Variants in CPS1 observed in about 807,000 individuals in gnomAD.
CPS1 encodes carbamoyl-phosphate synthase [ammonia], mitochondrial.
Under a neutral mutation model 174.6 loss-of-function variants are expected in CPS1, and 109 were observed. The ratio of observed to expected loss-of-function variants is 0.62; its 90% CI spans 0.53 to 0.73. CPS1 has a LOEUF of 0.73. Ranked by LOEUF, CPS1 falls within the 30% of genes least tolerant of loss-of-function variation. The probability of loss-of-function intolerance (pLI) is 0.00; values close to 1 mark genes in which losing one functional copy is unlikely to be tolerated. For synonymous variants in CPS1, 637 were observed against 632.0 expected, an observed-to-expected ratio of 1.01 and a Z score of -0.12; for missense variants, 1,689 against 1,821.9, an observed-to-expected ratio of 0.93 and a Z score of 1.33.
In CPS1 at chr2:210,590,237, G is replaced by A. The variant is rs1233041350; in HGVS notation, c.840+3G>A. On this transcript the variant is annotated splice_donor_region_variant and intron_variant, in intron 8 of 37. Coordinates refer to ENST00000233072, the MANE Select transcript of CPS1 (RefSeq NM_001875.5). ...CACTAATTCAGAATGTCAGAAAGGT[G>A]CAATGAACCTTGAATTCATGTGTAT... 6.2e-7 allele frequency: 1 copy of A among 1,612,552 alleles called. No individual in the cohort carries two copies.
At chr2:210,549,948 A>G (rs1291127515) in intron 1 of CPS1, among the ~76,000 whole-genome samples, 1 of 152,030 alleles carries the variant, frequency 6.6e-6, no homozygotes, top group East Asian at 1.9e-4. Flanking sequence ...CCCAGATTCC[A>G]TGGTTCTGGA....
At chr2:210,477,878 A>G in intron 1 of CPS1, 1 of 1,208,806 alleles carries the variant, frequency 8.3e-7, no homozygotes, top group Non-Finnish European at 1.2e-6. Flanking sequence ...TTTTTCTTTA[A>G]TGATTAAAGG....
chr2:210,560,138 A>C lies in CPS1; in HGVS notation c.126+3279A>C, dbSNP rs118170559. Among the ~76,000 whole-genome samples the C allele has an allele frequency of 8.1e-4, 123 of 152,238 alleles. 5 individuals are homozygous for C. In the East Asian group the frequency reaches 0.02, roughly 25 times the overall value. Reference sequence around the variant, plus strand: ...TTCTTATAATAAATCAGACTCAAGGAAAATGAAGCAAATAATCTTTTTTTT... The same window carrying C: ...TTCTTATAATAAATCAGACTCAAGGCAAATGAAGCAAATAATCTTTTTTTT... On this transcript the variant is annotated intron_variant, in intron 1 of 37. Coordinates refer to ENST00000233072, the MANE Select transcript of CPS1 (RefSeq NM_001875.5).
At chr2:210,480,350 T>C (rs762376279) in intron 1 of CPS1, among the ~76,000 whole-genome samples, 1 of 152,240 alleles carries the variant, frequency 6.6e-6, no homozygotes, top group Non-Finnish European at 1.5e-5. Flanking sequence ...AGTTCTCTGC[T>C]GAACAGCTAT....
rs2105911004 is a variant in CPS1, at chr2:210,650,408, A to G, written c.3450A>G (p.Lys1150=). Residue 1150 remains lysine (K), a synonymous_variant, in exon 28 of 38, where the codon AAA becomes AAG. Coordinates refer to ENST00000233072, the MANE Select transcript of CPS1 (RefSeq NM_001875.5). Reference sequence around the variant, plus strand: ...TATTCTCTGAGGATGAGATGAAAAAATTCCTAGAAGAGGCGACTAGAGTTT... The same window carrying G: ...TATTCTCTGAGGATGAGATGAAAAAGTTCCTAGAAGAGGCGACTAGAGTTT... ...NVVFSEDEMK[K]FLEEATRVSQ... 2.5e-6 allele frequency: 4 copies of G among 1,613,568 alleles called. No individual in the cohort carries two copies. Among genetic ancestry groups the G allele is most frequent in the Non-Finnish European group, 1.7e-6 (2 of 1,179,578 alleles).
intron 1 of CPS1, among the ~76,000 whole-genome samples, chr2:210,542,320 C>T (rs564797059): frequency 6.6e-6 from 1 of 152,192 alleles, no homozygotes; most frequent in Admixed American, 6.5e-5. Context: ...AGACTACTGG[C>T]TTTCCTGCTG....
chr2:210,482,459 C>G (rs765387066), intron 1 of CPS1, among the ~76,000 whole-genome samples: 1 of 151,968 alleles, frequency 6.6e-6, no homozygotes, highest in African/African-American at 2.4e-5. Flanking sequence ...CGTGCCACCA[C>G]GCCTGGCTAA....
intron 1 of CPS1, among the ~76,000 whole-genome samples, chr2:210,508,549 A>G (rs1695354484): frequency 6.6e-6 from 1 of 152,214 alleles, no homozygotes; most frequent in Non-Finnish European, 1.5e-5. Context: ...TGAAGGAAAT[A>G]GAGACACAAA....
chr2:210,572,101 G>T (rs1482246621), intron 1 of CPS1, among the ~76,000 whole-genome samples: 1 of 151,842 alleles, frequency 6.6e-6, no homozygotes, highest in Non-Finnish European at 1.5e-5. Flanking sequence ...CTCATGGCCA[G>T]ACTTCTTTTC....
chr2:210,487,664 A>G (rs927188116), intron 1 of CPS1, among the ~76,000 whole-genome samples: 12 of 152,076 alleles, frequency 7.9e-5, no homozygotes, highest in Non-Finnish European at 1.3e-4. Context: ...AGATTATTTT[A>G]GGAGTTGTTT....
chr2:210,658,105 C>G (rs1559131571), intron 30 of CPS1: 1 of 171,642 alleles, frequency 5.8e-6, no homozygotes, highest in Non-Finnish European at 1.3e-5. Flanking sequence ...CAGGGAAACA[C>G]TGTTTCCTTC....
chr2:210,505,531 AGACAGTGGGTGCAG>A lies in CPS1; in HGVS notation c.3+27780_3+27793del, dbSNP rs371160364. On this transcript the variant is annotated intron_variant, in intron 1 of 38. Coordinates refer to the CPS1 transcript ENST00000430249. ...TGGGTTCATCTCACTGGGGAGTATC[AGACAGTGGGTGCAG>A]GACAGTGGGTGCAGTGCACTGAGCA... Among the ~76,000 whole-genome samples the A allele has an allele frequency of 5.9e-5, 9 of 152,218 alleles. No individual in the cohort carries two copies. In the South Asian group the frequency reaches 1.2e-3, roughly 21 times the overall value.
intron 1 of CPS1, among the ~76,000 whole-genome samples, chr2:210,481,314 T>A (rs1026400474): frequency 2.6e-5 from 4 of 152,210 alleles, no homozygotes; most frequent in Admixed American, 1.3e-4. Context: ...TGAAAATATG[T>A]GTCTATATTG....
chr2:210,504,972 CT>C (rs1695238419), intron 1 of CPS1, among the ~76,000 whole-genome samples: 1 of 151,626 alleles, frequency 6.6e-6, no homozygotes, highest in Non-Finnish European at 1.5e-5. Context: ...GGAATAGGGG[CT>C]GATATATAAG....
intron 1 of CPS1, among the ~76,000 whole-genome samples, chr2:210,545,255 C>T (rs902461753): frequency 9.9e-5 from 15 of 152,028 alleles, no homozygotes; most frequent in Admixed American, 7.2e-4. Context: ...TGATGTGGCT[C>T]ATCTTTTCTT....
intron 1 of CPS1, chr2:210,519,644 C>A: frequency 1.9e-6 from 1 of 523,548 alleles, no homozygotes; most frequent in Non-Finnish European, 2.4e-6. Context: ...AACTTGAATT[C>A]CCAGCCTCGC....
chr2:210,565,046 A>C (rs912398859), intron 1 of CPS1, among the ~76,000 whole-genome samples: 1 of 151,754 alleles, frequency 6.6e-6, no homozygotes, highest in African/African-American at 2.4e-5. Context: ...AATAAAAGTA[A>C]TATGAGAATG....
intron 22 of CPS1, among the ~76,000 whole-genome samples, chr2:210,638,319 A>C (rs1247058662): frequency 6.6e-6 from 1 of 152,096 alleles, no homozygotes. Context: ...TCATTGTGAT[A>C]GGGCTGGGCA....
upstream of CPS1, among the ~76,000 whole-genome samples, chr2:210,555,401 G>T (rs6749597): frequency 0.16 from 24,536 of 151,828 alleles, 2,179 homozygotes; most frequent in Admixed American, 0.25. Context: ...CATGGCACCA[G>T]TTATTTTATT....
Sources: allele counts gnomAD v4.1 joint callset (sites outside exome capture counted in the v4.1 genomes callset), GRCh38; gene constraint gnomAD v4.1.1; transcripts MANE v1.5; gene names NCBI Gene and HGNC (gene_info 2026-07-23, HGNC 2026-07-21).